Variants in PRKG1 observed in about 807,000 individuals in gnomAD.
PRKG1 encodes the protein cGMP-dependent protein kinase 1.
Under a neutral mutation model 88.1 loss-of-function variants are expected in PRKG1, and 35 were observed. The observed-to-expected ratio is 0.40, with a 90% CI of 0.30 to 0.53. The LOEUF is 0.53. Among genes scored for constraint, PRKG1 ranks in the 20% least tolerant of loss-of-function variants. The pLI, the probability that PRKG1 is intolerant of heterozygous loss-of-function variation, is 0.59. For missense variants in PRKG1, 540 were observed against 839.8 expected (o/e 0.64, Z 4.41); for synonymous variants, 303 against 292.5 (o/e 1.04, Z -0.37).
chr10:51,777,479 A>T (rs1228368966), intron 3 of PRKG1, among the ~76,000 whole-genome samples: 1 of 152,050 alleles, frequency 6.6e-6, no homozygotes, highest in Non-Finnish European at 1.5e-5. Flanking sequence ...GGGTAGTTCT[A>T]TTAATTGTTT....
At chr10:51,662,625 G>A (rs1359729389) in intron 3 of PRKG1, among the ~76,000 whole-genome samples, 1 of 152,096 alleles carries the variant, frequency 6.6e-6, no homozygotes, top group East Asian at 1.9e-4. Context: ...TTTTGGGAAA[G>A]TTTGTATACA....
intron 7 of PRKG1, among the ~76,000 whole-genome samples, chr10:52,115,770 T>C (rs1847672169): frequency 6.6e-6 from 1 of 152,180 alleles, no homozygotes; most frequent in African/African-American, 2.4e-5. Context: ...TCCTTTACCC[T>C]TCTGTATACC....
intron 1 of PRKG1, among the ~76,000 whole-genome samples, chr10:51,038,898 T>C (rs1843385992): frequency 6.6e-6 from 1 of 152,194 alleles, no homozygotes; most frequent in African/African-American, 2.4e-5. Context: ...ACACCTACTG[T>C]GTACCCACAA....
intron 3 of PRKG1, among the ~76,000 whole-genome samples, chr10:51,713,843 T>C (rs1841820581): frequency 6.6e-6 from 1 of 152,244 alleles, no homozygotes; most frequent in South Asian, 2.1e-4. Flanking sequence ...AATATAATTA[T>C]ATGGTTTCTA....
At chr10:51,577,139 T>C (rs1314558152) in intron 3 of PRKG1, among the ~76,000 whole-genome samples, 1 of 152,010 alleles carries the variant, frequency 6.6e-6, no homozygotes, top group African/African-American at 2.4e-5. Context: ...TCACTTTATC[T>C]AAAAGCTTTT....
chr10:51,427,428 G>A (rs1477938822), intron 2 of PRKG1, among the ~76,000 whole-genome samples: 1 of 152,182 alleles, frequency 6.6e-6, no homozygotes, highest in Non-Finnish European at 1.5e-5. Context: ...GAACCATTTA[G>A]CACAAAATCA....
At chr10:52,273,517 C>T (rs1378456787) in intron 12 of PRKG1, among the ~76,000 whole-genome samples, 2 of 151,980 alleles carry the variant, frequency 1.3e-5, no homozygotes, top group Non-Finnish European at 2.9e-5. Context: ...ACAAGTGGTT[C>T]CTTATGAACT....
intron 3 of PRKG1, 106 bp from the exon 4 acceptor site, chr10:51,804,479 T>A: frequency 1.3e-6 from 1 of 747,854 alleles, no homozygotes; most frequent in Non-Finnish European, 2.2e-6. Context: ...AAGTCAATCA[T>A]TTTCATGATT....
At chr10:52,014,787 A>C (rs1267522902) in intron 5 of PRKG1, among the ~76,000 whole-genome samples, 2 of 152,234 alleles carry the variant, frequency 1.3e-5, no homozygotes. Flanking sequence ...TGGCCAAAAC[A>C]AAGGGGCCAC....
chr10:51,408,877 C>T (rs1206753142), intron 2 of PRKG1, among the ~76,000 whole-genome samples: 4 of 152,322 alleles, frequency 2.6e-5, no homozygotes, highest in Admixed American at 6.5e-5. Context: ...GGTGAGCACT[C>T]ACATGGGATA....
At chr10:51,446,378 C>T (rs12266375) in intron 2 of PRKG1, among the ~76,000 whole-genome samples, 20,019 of 151,762 alleles carry the variant, frequency 0.13, 1,666 homozygotes, top group Admixed American at 0.24. Flanking sequence ...CTCTGGCTTT[C>T]CTGATCTAGG....
In PRKG1 at chr10:51,074,558, G is replaced by T. The variant is rs536269292; in HGVS notation, c.-33G>T. 1 of 1,590,308 alleles carries T rather than the reference G, an allele frequency of 6.3e-7. No individual in the cohort carries two copies. The highest frequency in any genetic ancestry group is 1.1e-5 in the South Asian group (1 of 87,950). ...AGGAAGCCTCAAGACGCGGAGCAGC[G>T]GCAGGAAGGAGCCCCCGGCAGCCCG... On this transcript the variant is annotated 5_prime_UTR_variant, in exon 1 of 18. Transcript: ENST00000373980.
intron 9 of PRKG1, among the ~76,000 whole-genome samples, chr10:52,188,344 A>T (rs560873422): frequency 2.7e-5 from 4 of 145,588 alleles, no homozygotes; most frequent in Admixed American, 2.1e-4. Context: ...ATATATATAT[A>T]TTTCTTTTTG....
chr10:51,989,529 C>A (rs887755516), intron 5 of PRKG1, among the ~76,000 whole-genome samples: 2 of 151,902 alleles, frequency 1.3e-5, no homozygotes, highest in Non-Finnish European at 2.9e-5. Flanking sequence ...AGTAATGTAA[C>A]CAGATTGCCT....
At chr10:52,164,169 G>A (rs1838363212) in intron 9 of PRKG1, among the ~76,000 whole-genome samples, 1 of 152,042 alleles carries the variant, frequency 6.6e-6, no homozygotes, top group Non-Finnish European at 1.5e-5. Flanking sequence ...TGGCCAACAT[G>A]GTGAAACCCT....
chr10:51,642,352 T>C (rs1418155626), intron 3 of PRKG1, among the ~76,000 whole-genome samples: 3 of 152,162 alleles, frequency 2.0e-5, no homozygotes, highest in Non-Finnish European at 4.4e-5. Context: ...ATCATGCCAC[T>C]GCACTCCAGG....
intron 3 of PRKG1, among the ~76,000 whole-genome samples, chr10:51,799,247 GC>G (rs1839100235): frequency 6.6e-6 from 1 of 151,918 alleles, no homozygotes; most frequent in Non-Finnish European, 1.5e-5. Context: ...ACCCTTCCGT[GC>G]CCCCCTCTTC....
chr10:51,224,012 T>C (rs1838621491), intron 2 of PRKG1, among the ~76,000 whole-genome samples: 1 of 152,114 alleles, frequency 6.6e-6, no homozygotes, highest in Non-Finnish European at 1.5e-5. Flanking sequence ...AATGGTATCT[T>C]TGTGTAAAAA....
At chr10:51,746,796 T>C (rs1300747335) in intron 3 of PRKG1, among the ~76,000 whole-genome samples, 2 of 151,864 alleles carry the variant, frequency 1.3e-5, no homozygotes, top group Non-Finnish European at 2.9e-5. Context: ...AGAAAGCATT[T>C]GCTCCATCAT....
Sources: allele counts gnomAD v4.1 joint callset (sites outside exome capture counted in the v4.1 genomes callset), GRCh38; gene constraint gnomAD v4.1.1; transcripts MANE v1.5; gene names NCBI Gene and HGNC (gene_info 2026-07-23, HGNC 2026-07-21).